RIMS2: variants seen among roughly 807,000 people sequenced by gnomAD.
The protein encoded by RIMS2 is regulating synaptic membrane exocytosis 2.
A neutral mutation model predicts 174.4 loss-of-function variants in RIMS2; 59 were observed. That is an observed-to-expected ratio of 0.34 (90% CI 0.27 to 0.42). RIMS2 has a LOEUF of 0.42. Among genes scored for constraint, RIMS2 ranks in the 10% least tolerant of loss-of-function variants. The probability of loss-of-function intolerance (pLI) is 1.00; values close to 1 mark genes in which losing one functional copy is unlikely to be tolerated. For missense variants in RIMS2, 1,620 were observed against 1,666.3 expected, an observed-to-expected ratio of 0.97 and a Z score of 0.48; for synonymous variants, 606 against 572.5, an observed-to-expected ratio of 1.06 and a Z score of -0.84.
At chr8:104,063,994 T>C (rs1365047500) in intron 19 of RIMS2, among the ~76,000 whole-genome samples, 2 of 152,178 alleles carry the variant, frequency 1.3e-5, no homozygotes, top group African/African-American at 4.8e-5. Flanking sequence ...ATCTTTGTAG[T>C]ACATGCGTGT....
intron 1 of RIMS2, among the ~76,000 whole-genome samples, chr8:103,540,662 C>T (rs1842144175): frequency 1.3e-5 from 2 of 152,012 alleles, no homozygotes; most frequent in South Asian, 4.1e-4. Context: ...CTAACTAATG[C>T]CAAATAAATG....
chr8:103,858,966 G>A (rs902392047), intron 3 of RIMS2, among the ~76,000 whole-genome samples: 7 of 151,900 alleles, frequency 4.6e-5, no homozygotes, highest in African/African-American at 7.3e-5. Context: ...TTATAGCATA[G>A]CAATAGATAT....
chr8:104,199,630 G>A (rs1044870141), intron 19 of RIMS2, among the ~76,000 whole-genome samples: 1 of 152,206 alleles, frequency 6.6e-6, no homozygotes, highest in Admixed American at 6.5e-5. Context: ...TTCAGAGTAG[G>A]AAGGCATGCC....
chr8:103,878,813 G>C (rs2099154231), intron 3 of RIMS2, among the ~76,000 whole-genome samples: 1 of 151,330 alleles, frequency 6.6e-6, no homozygotes, highest in South Asian at 2.1e-4. Context: ...GAGTATCTAA[G>C]AACCTTTGTC....
intron 19 of RIMS2, among the ~76,000 whole-genome samples, chr8:104,092,017 A>G (rs1157292791): frequency 2.0e-5 from 3 of 151,798 alleles, no homozygotes; most frequent in Non-Finnish European, 3.0e-5. Context: ...ATATGTTGCT[A>G]GGTTAATGGA....
chr8:103,907,537 G>T (rs2074707563), intron 4 of RIMS2, among the ~76,000 whole-genome samples: 1 of 150,558 alleles, frequency 6.6e-6, no homozygotes, highest in Non-Finnish European at 1.5e-5. Flanking sequence ...TTTTTTCTCT[G>T]CATGCTGTTT....
At chr8:103,939,437 G>A (rs1277564003) in intron 13 of RIMS2, among the ~76,000 whole-genome samples, 1 of 152,018 alleles carries the variant, frequency 6.6e-6, no homozygotes. Flanking sequence ...CCCTATACTT[G>A]GTGTCACAGC....
chr8:103,540,485 A>G (rs573074096), intron 1 of RIMS2, among the ~76,000 whole-genome samples: 5 of 152,334 alleles, frequency 3.3e-5, no homozygotes, highest in African/African-American at 1.2e-4. Context: ...CACTCATGTA[A>G]GCACCCTTGT....
At chr8:103,968,531 G>T (rs566784701) in intron 15 of RIMS2, among the ~76,000 whole-genome samples, 3 of 149,342 alleles carry the variant, frequency 2.0e-5, no homozygotes, top group Non-Finnish European at 4.4e-5. Flanking sequence ...TTTTGGGTAG[G>T]TACTCTAGAG....
downstream of RIMS2, chr8:104,254,204 G>GTC (rs1554677937): frequency 6.6e-6 from 1 of 151,028 alleles, no homozygotes; most frequent in Non-Finnish European, 1.5e-5. Flanking sequence ...AAAAGTTGGT[G>GTC]TTTTTTTTTA....
chr8:103,785,607 C>T (rs1422561628), intron 3 of RIMS2, among the ~76,000 whole-genome samples: 1 of 152,000 alleles, frequency 6.6e-6, no homozygotes, highest in Non-Finnish European at 1.5e-5. Context: ...GCCTTGCATC[C>T]CAGGGATGAA....
chr8:103,601,882 T>G (rs1227423055), intron 1 of RIMS2, among the ~76,000 whole-genome samples: 1 of 152,204 alleles, frequency 6.6e-6, no homozygotes, highest in East Asian at 1.9e-4. Flanking sequence ...TTTAAACTCA[T>G]GACAGCTTAA....
chr8:104,187,400 A>G (rs1374525), intron 19 of RIMS2, among the ~76,000 whole-genome samples: 62,545 of 151,654 alleles, frequency 0.41, 13,400 homozygotes, highest in East Asian at 0.65. Context: ...TGTGACAGGC[A>G]AGTAGTGTCC....
At chr8:104,018,956 A>G (rs943421010) in intron 19 of RIMS2, among the ~76,000 whole-genome samples, 5 of 152,158 alleles carry the variant, frequency 3.3e-5, no homozygotes, top group African/African-American at 1.2e-4. Flanking sequence ...TTTATATACC[A>G]TAATGTTTAA....
intron 1 of RIMS2, among the ~76,000 whole-genome samples, chr8:103,505,010 C>A (rs1822749367): frequency 1.3e-5 from 2 of 151,556 alleles, no homozygotes; most frequent in South Asian, 2.1e-4. Flanking sequence ...TGTCATGACA[C>A]TCGACTAATT....
intron 21 of RIMS2, 106 bp from the exon 28 acceptor site, chr8:104,249,381 A>T: frequency 1.8e-6 from 1 of 563,598 alleles, no homozygotes; most frequent in Non-Finnish European, 3.2e-6. Flanking sequence ...GAATTTAAGA[A>T]AATATATGGG....
At chr8:103,778,653 T>C (rs978175977) in intron 3 of RIMS2, among the ~76,000 whole-genome samples, 1 of 152,204 alleles carries the variant, frequency 6.6e-6, no homozygotes, top group Non-Finnish European at 1.5e-5. Context: ...GTTTATCCAT[T>C]GATAGGCATT....
chr8:103,599,250 C>G (rs1038114278), intron 1 of RIMS2, among the ~76,000 whole-genome samples: 1 of 151,376 alleles, frequency 6.6e-6, no homozygotes, highest in Middle Eastern at 3.4e-3. Context: ...GAAATAGATA[C>G]TGTTTTTATT....
chr8:104,234,110 T>G (rs1052081170), intron 19 of RIMS2, among the ~76,000 whole-genome samples: 3 of 152,142 alleles, frequency 2.0e-5, no homozygotes, highest in Admixed American at 2.0e-4. Context: ...TTCAACACTA[T>G]TTATTAAACA....
Sources: allele counts gnomAD v4.1 joint callset (sites outside exome capture counted in the v4.1 genomes callset), GRCh38; gene constraint gnomAD v4.1.1; transcripts MANE v1.5; gene names NCBI Gene and HGNC (gene_info 2026-07-23, HGNC 2026-07-21).